Variants in ATP13A3 observed in about 807,000 individuals in gnomAD.
ATP13A3 encodes the protein polyamine-transporting ATPase 13A3.
ATP13A3 carries 59 observed loss-of-function variants against 158.1 expected under a neutral mutation model. That is an observed-to-expected ratio of 0.37 (90% CI 0.30 to 0.46). The LOEUF (loss-of-function observed/expected upper bound fraction) is 0.46, where lower values mean the gene tolerates loss of function less well. Ranked by LOEUF, ATP13A3 falls within the 20% of genes least tolerant of loss-of-function variation. ATP13A3 has a pLI of 1.00. For missense variants in ATP13A3, 1,166 were observed against 1,525.2 expected (o/e 0.76, Z 3.92); for synonymous variants, 491 against 504.3 (o/e 0.97, Z 0.35).
intron 3 of ATP13A3, 88 bp from the exon 4 acceptor site, chr3:194,460,919 G>A (rs1452735235): frequency 1.5e-6 from 2 of 1,352,656 alleles, no homozygotes; most frequent in African/African-American, 1.5e-5. Flanking sequence ...TTGTTTTCCA[G>A]ATAGGTATTT....
At chr3:194,452,808 A>G (rs550173083) in intron 10 of ATP13A3, 2 of 152,360 alleles carry the variant, frequency 1.3e-5, no homozygotes, top group South Asian at 4.1e-4. Context: ...TACCTACAGT[A>G]AATGAGCTCC....
intron 24 of ATP13A3, among the ~76,000 whole-genome samples, chr3:194,430,564 A>C (rs1328384418): frequency 2.0e-5 from 3 of 152,140 alleles, no homozygotes; most frequent in African/African-American, 7.2e-5. Flanking sequence ...TTGGTGTCTC[A>C]ATTTCCTCAT....
intron 31 of ATP13A3, among the ~76,000 whole-genome samples, chr3:194,417,323 G>A (rs912567198): frequency 1.3e-5 from 2 of 151,192 alleles, no homozygotes; most frequent in African/African-American, 4.9e-5. Flanking sequence ...GCCGAGGCAG[G>A]AGAATCGCTT....
In ATP13A3 at chr3:194,425,237, T is replaced by C. The variant is rs773825874; in HGVS notation, c.3313+105A>G. On this transcript the variant is annotated intron_variant, in intron 30 of 33. Coordinates refer to ENST00000645319, the MANE Select transcript of ATP13A3 (RefSeq NM_001367549.1). ...TCTAAATCACTAAGTTGATTCTATC[T>C]GTGAAGATCTGGTTTACTGTGGCAA... 4.0e-5 allele frequency: 42 copies of C among 1,057,444 alleles called. No homozygotes were observed. The Middle Eastern group carries it at 9.1e-4, about 23-fold the overall frequency. 65.5% of individuals were successfully genotyped at this position (1,057,444 alleles called of 1,614,324 possible). A position where few individuals can be genotyped will look rare whatever the true frequency, so the allele number is the denominator to read the frequency against.
chr3:194,411,181 G>C (rs1313650503), intron 33 of ATP13A3, among the ~76,000 whole-genome samples: 1 of 152,100 alleles, frequency 6.6e-6, no homozygotes, highest in Non-Finnish European at 1.5e-5. Context: ...ATTACACCAG[G>C]ACATCAGGCC....
At chr3:194,429,897 C>T in intron 26 of ATP13A3, 123 bp from the exon 27 acceptor site, 1 of 1,025,276 alleles carries the variant, frequency 9.8e-7, no homozygotes, top group South Asian at 1.6e-5. Flanking sequence ...TGCTTATCCA[C>T]CAAAAGAACT....
chr3:194,477,941 T>C (rs1030834786), intron 2 of ATP13A3, among the ~76,000 whole-genome samples: 6 of 152,184 alleles, frequency 3.9e-5, no homozygotes, highest in African/African-American at 1.4e-4. Context: ...TTATGGTTAA[T>C]TCTTCAGCAG....
Position 194,403,787 on chromosome 3 carries a change from AC to A in ATP13A3, c.*2131del, listed in dbSNP as rs2108680619. On this transcript the variant is annotated 3_prime_UTR_variant, in exon 34 of 34. Coordinates refer to ENST00000645319, the MANE Select transcript of ATP13A3 (RefSeq NM_001367549.1). ...TCAAATAACATTCTCAACGTGAATA[AC>A]CCACCTTGTCTATATTCAAATCTAA... The A allele has an allele frequency of 4.7e-6, 1 of 211,916 alleles. No homozygotes were observed. Among genetic ancestry groups the A allele is most frequent in the African/African-American group, 2.4e-5 (1 of 42,236 alleles). 13.1% of individuals were successfully genotyped at this position (211,916 alleles called of 1,614,324 possible). A position where few individuals can be genotyped will look rare whatever the true frequency, so the allele number is the denominator to read the frequency against.
At chr3:194,447,719 CATTAA>C in intron 13 of ATP13A3, 128 bp downstream of exon 13, 1 of 787,794 alleles carries the variant, frequency 1.3e-6, no homozygotes, top group East Asian at 2.5e-5. Flanking sequence ...ACTTTGTTAG[CATTAA>C]ATTAATTAAA....
chr3:194,459,168 G>C (rs1719459679), intron 6 of ATP13A3: 1 of 318,978 alleles, frequency 3.1e-6, no homozygotes, highest in Non-Finnish European at 5.8e-6. Flanking sequence ...TTGAGACACA[G>C]GCTATGAGGT....
chr3:194,441,299 T>C lies in ATP13A3; in HGVS notation c.1710+12A>G. On this transcript the variant is annotated intron_variant, in intron 16 of 33. Transcript: ENST00000645319. ...TCCTAAAGTTATTTGTATTTTAAAATATTTGACTTACCCATCCAATAGCCT... is the reference window on the plus strand; with the variant it reads ...TCCTAAAGTTATTTGTATTTTAAAACATTTGACTTACCCATCCAATAGCCT... The C allele has an allele frequency of 6.3e-7, 1 of 1,590,184 alleles. No individual in the cohort carries two copies. The highest frequency in any genetic ancestry group is 1.1e-5 in the South Asian group (1 of 88,008).
At chr3:194,411,931 TAGA>T (rs1270779998) in intron 33 of ATP13A3, among the ~76,000 whole-genome samples, 1 of 152,100 alleles carries the variant, frequency 6.6e-6, no homozygotes, top group African/African-American at 2.4e-5. Flanking sequence ...TTTACACAAA[TAGA>T]AGATCAGGAT....
At chr3:194,490,872 A>G (rs112819430), upstream of ATP13A3, among the ~76,000 whole-genome samples, 8,621 of 152,278 alleles carry the variant, frequency 0.057, 497 homozygotes, top group African/African-American at 0.15. The surrounding 1 kb of genome is among the most constrained non-coding windows in gnomAD (Gnocchi z 4.4). Context: ...GAGGCTGGGC[A>G]TGGTGGCTCA....
chr3:194,464,987 A>AAGGATTACTTC (rs1052969703), intron 2 of ATP13A3, among the ~76,000 whole-genome samples: 1 of 145,974 alleles, frequency 6.9e-6, no homozygotes, highest in Non-Finnish European at 1.5e-5. Context: ...TTCCTCAGGG[A>AAGGATTACTTC]AGGATTACTT....
chr3:194,459,406 T>C, intron 6 of ATP13A3, 65 bp downstream of exon 6: 1 of 1,109,690 alleles, frequency 9.0e-7, no homozygotes, highest in East Asian at 2.4e-5. Context: ...TAGAATGGAC[T>C]CTTTTCTATC....
At position 194,466,963 on chromosome 3, in the gene ATP13A3, A is replaced by C. The variant is rs549994347; in HGVS notation, c.-46-4727T>G. 7.2e-5 allele frequency among the ~76,000 whole-genome samples: 11 copies of C among 152,362 alleles called. No homozygotes were observed. In the South Asian group the frequency reaches 2.3e-3, roughly 32 times the overall value. On this transcript the variant is annotated intron_variant, in intron 2 of 33. Coordinates refer to ENST00000645319, the MANE Select transcript of ATP13A3 (RefSeq NM_001367549.1). ...TCTGCCTCTGGGGCACTGACTCAAA[A>C]GTCCACTGACTCAATCTACTATGTG...
intron 20 of ATP13A3, among the ~76,000 whole-genome samples, chr3:194,436,043 A>G (rs1370304613): frequency 1.3e-5 from 2 of 152,204 alleles, no homozygotes; most frequent in Non-Finnish European, 2.9e-5. Flanking sequence ...ATGTGTCCTT[A>G]GTAGGAATTA....
At chr3:194,408,008 C>A (rs1465973061) in intron 33 of ATP13A3, among the ~76,000 whole-genome samples, 4 of 150,220 alleles carry the variant, frequency 2.7e-5, no homozygotes, top group Non-Finnish European at 1.5e-5. Flanking sequence ...TAAATCAATT[C>A]GAAAGCTGTC....
At position 194,431,079 on chromosome 3, in the gene ATP13A3, A is replaced by G. The variant is rs146073127; in HGVS notation, c.2544+25T>C. ...ACTGTTGCGATGCATTCATGTGAGC[A>G]CACACATACACCCAAATTACTTACC... On this transcript the variant is annotated intron_variant, in intron 23 of 33. Transcript: ENST00000645319. 377 of 1,613,274 alleles carry G rather than the reference A, an allele frequency of 2.3e-4. 2 individuals carry two copies. The African/African-American group carries it at 4.6e-3, about 20-fold the overall frequency.
Sources: gnomAD v4.1 joint callset for allele counts (sites outside exome capture counted in the v4.1 genomes callset) on GRCh38, gnomAD v4.1.1 for gene constraint, Gnocchi (gnomAD v3.1) non-coding constraint, MANE v1.5 for transcripts, NCBI Gene and HGNC (gene_info 2026-07-23, HGNC 2026-07-21) for gene names.